TGS1: variants seen among roughly 807,000 people sequenced by gnomAD.
TGS1 encodes trimethylguanosine synthase 1, also known as trimethylguanosine synthase.
In TGS1, 69 loss-of-function variants were observed where a neutral mutation model predicts 92.2. The ratio of observed to expected loss-of-function variants is 0.75; its 90% CI spans 0.62 to 0.91. TGS1 has a LOEUF of 0.91. Among genes scored for constraint, TGS1 ranks in the 40% least tolerant of loss-of-function variants. TGS1 has a pLI of 0.00. For synonymous variants in TGS1, 345 were observed against 338.1 expected (o/e 1.02, Z -0.22); for missense variants, 1,062 against 1,001.2 (o/e 1.06, Z -0.82).
At chr8:55,778,681 G>T (rs1811469845) in intron 1 of TGS1, among the ~76,000 whole-genome samples, 1 of 152,166 alleles carries the variant, frequency 6.6e-6, no homozygotes, top group African/African-American at 2.4e-5. Flanking sequence ...ACAAAACTCA[G>T]CTGTGTGGCC....
In TGS1 at chr8:55,798,973, ATCT is replaced by A. The variant is rs771314462; in HGVS notation, c.1606_1608del (p.Ser536del). On this transcript the variant is annotated inframe_deletion, in exon 8 of 13. Coordinates refer to ENST00000260129, the MANE Select transcript of TGS1 (RefSeq NM_024831.8). ...TGGATGAAGAAGCATCACAGGAATC[ATCT>A]TCTCATGACAATGTGCACGACGCTT... The A allele has an allele frequency of 3.5e-5, 57 of 1,613,966 alleles. No homozygotes were observed. The African/African-American group carries it at 7.1e-4, about 20-fold the overall frequency.
chr8:55,810,824 C>A, intron 10 of TGS1, 57 bp from the exon 11 acceptor site: 2 of 1,377,162 alleles, frequency 1.5e-6, no homozygotes, highest in Non-Finnish European at 2.1e-6. Flanking sequence ...GACAAACTAT[C>A]CTATATAAGT....
chr8:55,787,072 C>A lies in TGS1; in HGVS notation c.1162+12C>A. The stretch of plus-strand genomic sequence containing the variant: ...CCCACCAGCTGAGGGTAAGATTAAC[C>A]AAGATTTATTCTGCCATGTAATGGT... On this transcript the variant is annotated intron_variant, in intron 4 of 12. Coordinates refer to ENST00000260129, the MANE Select transcript of TGS1 (RefSeq NM_024831.8). 6.3e-7 allele frequency: 1 copy of A among 1,583,572 alleles called. No homozygotes were observed. The highest frequency in any genetic ancestry group is 1.4e-5 in the African/African-American group (1 of 73,884).
chr8:55,781,550 A>G (rs1310612550), intron 1 of TGS1, among the ~76,000 whole-genome samples: 1 of 152,118 alleles, frequency 6.6e-6, no homozygotes, highest in Non-Finnish European at 1.5e-5. Flanking sequence ...TCAGTGCCTC[A>G]TATCTTTAGG....
chr8:55,799,127 A>C lies in TGS1; in HGVS notation c.1756A>C (p.Asn586His). The C allele has an allele frequency of 6.2e-7, 1 of 1,614,180 alleles. No individual in the cohort carries two copies. The highest frequency in any genetic ancestry group is 1.1e-5 in the South Asian group (1 of 91,086). ...TTCAGCTGGTGAACTTGAAACAGAA[A>C]ACTATGAAAGAGACAGCTTGCTAGC... The part of the protein sequence containing the change: ...VSSAGELETE[N>H]YERDSLLATV... Residue 586 changes from asparagine (N) to histidine (H), a missense_variant, in exon 8 of 13, where the codon AAC (asparagine) becomes CAC (histidine). Asn to His is a moderately conservative substitution (Grantham distance 68, BLOSUM62 1). Coordinates refer to ENST00000260129, the MANE Select transcript of TGS1 (RefSeq NM_024831.8).
rs1803740361 is a variant in TGS1 at position 55,824,550 on chromosome 8, G to A, written c.2440-31G>A. On this transcript the variant is annotated intron_variant, in intron 12 of 12. Transcript: ENST00000260129. ...GACTTTTGAAATTATGCTTAGGTGT[G>A]TGTGTGACTTTCTTCTGTTCATCTT... 1.9e-6 allele frequency: 3 copies of A among 1,613,786 alleles called. No homozygotes were observed. The South Asian group carries it at 3.3e-5, about 18-fold the overall frequency.
At chr8:55,822,059 C>G (rs892388465) in intron 12 of TGS1, among the ~76,000 whole-genome samples, 1 of 150,162 alleles carries the variant, frequency 6.7e-6, no homozygotes, top group African/African-American at 2.5e-5. Flanking sequence ...ACAATATTGG[C>G]TTTTTTTTCT....
chr8:55,787,035 TACAAACACAG>T lies in TGS1; in HGVS notation c.1140_1149del (p.Asn381HisfsTer41), dbSNP rs763986488. 21 of 1,613,120 alleles carry T rather than the reference TACAAACACAG, an allele frequency of 1.3e-5. No homozygotes were observed. The highest frequency in any genetic ancestry group is 1.8e-5 in the Non-Finnish European group (21 of 1,179,494). On this transcript the variant is annotated frameshift_variant, in exon 4 of 13. Transcript: ENST00000260129. LOFTEE classifies it high-confidence loss of function. ...ATGAGGAAAGCAACTCATCGGGGAA[TACAAACACAG>T]ACCCACCAGCTGAGGGTAAGATTAA...
chr8:55,803,917 C>T (rs1463315116), intron 9 of TGS1, among the ~76,000 whole-genome samples: 1 of 152,006 alleles, frequency 6.6e-6, no homozygotes, highest in East Asian at 1.9e-4. Flanking sequence ...CTCCTGTGCT[C>T]AAGTGATCCA....
rs1204045479 is a variant in TGS1 at position 55,786,400 on chromosome 8, A to G, written c.502A>G (p.Thr168Ala). ...AATTGAACAGTATGAGAACACCAGA[A>G]CATATGAACTTCAAAGCAAAAAAGA... ...SSIEQYENTR[T>A]YELQSKKDTE... Residue 168 changes from threonine (T) to alanine (A), a missense_variant, in exon 4 of 13, where the codon ACA (threonine) becomes GCA (alanine). By Grantham distance (58) the Thr-to-Ala change is moderately conservative. Transcript: ENST00000260129. 3 of 1,613,772 alleles carry G rather than the reference A, an allele frequency of 1.9e-6. No individual in the cohort carries two copies. The highest frequency in any genetic ancestry group is 2.5e-6 in the Non-Finnish European group (3 of 1,179,934).
chr8:55,788,759 C>T (rs2130139905), intron 4 of TGS1, among the ~76,000 whole-genome samples: 1 of 152,256 alleles, frequency 6.6e-6, no homozygotes, highest in South Asian at 2.1e-4. Flanking sequence ...GCACAGCCAT[C>T]CTTTTTTATC....
intron 9 of TGS1, among the ~76,000 whole-genome samples, chr8:55,803,040 T>C (rs1043672260): frequency 8.0e-4 from 122 of 152,174 alleles, no homozygotes; most frequent in African/African-American, 2.8e-3. Flanking sequence ...TAATGTGGAA[T>C]GTTTCCTTAG....
At chr8:55,797,870 C>T (rs1381100482) in intron 7 of TGS1, among the ~76,000 whole-genome samples, 1 of 152,150 alleles carries the variant, frequency 6.6e-6, no homozygotes, top group Non-Finnish European at 1.5e-5. Context: ...ACAGTGTCCT[C>T]CCTAACTTCA....
intron 7 of TGS1, among the ~76,000 whole-genome samples, chr8:55,798,377 A>G (rs1812120389): frequency 1.3e-5 from 2 of 152,340 alleles, no homozygotes; most frequent in South Asian, 4.1e-4. Context: ...TACTGGCTCT[A>G]CTGTTGCATT....
intron 1 of TGS1, among the ~76,000 whole-genome samples, chr8:55,779,784 C>A (rs1189194094): frequency 6.6e-6 from 1 of 152,130 alleles, no homozygotes; most frequent in African/African-American, 2.4e-5. Flanking sequence ...TATTTAATGA[C>A]CATCTTATCA....
chr8:55,790,203 C>T lies in TGS1; in HGVS notation c.1184C>T (p.Ala395Val), dbSNP rs1219860201. 3 of 1,613,826 alleles carry T rather than the reference C, an allele frequency of 1.9e-6. No individual in the cohort carries two copies. In the Admixed American group the frequency reaches 5.0e-5, roughly 27 times the overall value. ...TTAGATTCACAGAAGTCTTCAGGAG[C>T]AAACACAAGCAAAGACAGACCACAT... is the stretch of plus-strand genomic sequence containing the variant. ...PAEDSQKSSG[A>V]NTSKDRPHAS... The change falls in exon 5 of 13, where the codon GCA (alanine) becomes GTA (valine). Residue 395 changes from alanine to valine, a missense_variant. Physicochemically the swap from Ala to Val is moderately conservative, Grantham distance 64. Transcript: ENST00000260129.
intron 5 of TGS1, 87 bp from the exon 6 acceptor site, chr8:55,792,611 G>A: frequency 1.1e-6 from 1 of 894,604 alleles, no homozygotes; most frequent in Non-Finnish European, 1.8e-6. Flanking sequence ...GTTTGCATGG[G>A]TCAATTATAT....
At chr8:55,781,738 C>G (rs988708008) in intron 1 of TGS1, among the ~76,000 whole-genome samples, 2 of 152,174 alleles carry the variant, frequency 1.3e-5, no homozygotes, top group Non-Finnish European at 2.9e-5. Context: ...AAAAAAGAAG[C>G]AAGAGGATGT....
At chr8:55,788,849 A>G (rs541705585) in intron 4 of TGS1, among the ~76,000 whole-genome samples, 3 of 152,180 alleles carry the variant, frequency 2.0e-5, no homozygotes, top group Non-Finnish European at 4.4e-5. Context: ...CATAAAGTTT[A>G]TAATATACAT....
Sources: allele counts gnomAD v4.1 joint callset (sites outside exome capture counted in the v4.1 genomes callset), GRCh38; gene constraint gnomAD v4.1.1; transcripts MANE v1.5; gene names NCBI Gene and HGNC (gene_info 2026-07-23, HGNC 2026-07-21).